UST: variants seen among roughly 807,000 people sequenced by gnomAD.
UST encodes the protein uronyl 2-sulfotransferase, also known as chondroitin sulfate 2-O-sulfotransferase.
In UST, 21 loss-of-function variants were observed where a neutral mutation model predicts 45.6. The observed-to-expected ratio is 0.46, with a 90% CI of 0.33 to 0.66. The LOEUF (loss-of-function observed/expected upper bound fraction) is 0.66. Ranked by LOEUF, UST falls within the 30% of genes least tolerant of loss-of-function variation. The pLI is 0.02. For missense variants in UST, 463 were observed against 512.4 expected, an observed-to-expected ratio of 0.90 and a Z score of 0.93; for synonymous variants, 215 against 200.6, an observed-to-expected ratio of 1.07 and a Z score of -0.61.
intron 1 of UST, among the ~76,000 whole-genome samples, chr6:148,867,626 A>T (rs961151322): frequency 6.6e-6 from 1 of 152,120 alleles, no homozygotes; most frequent in Non-Finnish European, 1.5e-5. Context: ...TGATGGTTTG[A>T]TAAGGGGAAA....
At chr6:148,946,755 A>T (rs1382493154) in intron 3 of UST, among the ~76,000 whole-genome samples, 1 of 126,236 alleles carries the variant, frequency 7.9e-6, no homozygotes, top group Non-Finnish European at 1.6e-5. Flanking sequence ...TGGAGCTTGC[A>T]GTGAGCCGAG....
intron 2 of UST, among the ~76,000 whole-genome samples, chr6:148,898,558 TGTC>T (rs1779180858): frequency 2.0e-5 from 3 of 152,230 alleles, no homozygotes; most frequent in African/African-American, 4.8e-5. Context: ...TGGAGATCCA[TGTC>T]CAAGTTCAGA....
chr6:149,004,438 G>A (rs1781608729), intron 5 of UST, among the ~76,000 whole-genome samples: 1 of 152,202 alleles, frequency 6.6e-6, no homozygotes. Context: ...TCCACACTGA[G>A]GCAGACAGAA....
At chr6:148,897,826 G>T (rs1381796277) in intron 2 of UST, among the ~76,000 whole-genome samples, 1 of 152,156 alleles carries the variant, frequency 6.6e-6, no homozygotes, top group Admixed American at 6.5e-5. Flanking sequence ...ATGCCAATTG[G>T]CAGACCAGAT....
At chr6:148,917,977 T>C (rs964921082) in intron 2 of UST, among the ~76,000 whole-genome samples, 1 of 152,226 alleles carries the variant, frequency 6.6e-6, no homozygotes. Context: ...CTGCCCTCTC[T>C]GTGCATTGAT....
intron 1 of UST, among the ~76,000 whole-genome samples, chr6:148,829,709 T>C (rs1275559487): frequency 3.9e-5 from 6 of 152,166 alleles, no homozygotes; most frequent in African/African-American, 1.4e-4. Flanking sequence ...GGGTTCACTT[T>C]TATATATTCA....
rs146956075 is a variant in UST, at chr6:149,009,637, C to A, written c.682-9502C>A. Among the ~76,000 whole-genome samples, 452 of 151,980 alleles carry A rather than the reference C, an allele frequency of 3.0e-3. 3 individuals carry two copies. Among genetic ancestry groups the A allele is most frequent in the African/African-American group, 0.01 (431 of 41,418 alleles). On this transcript the variant is annotated intron_variant, in intron 5 of 7. Transcript: ENST00000367463. ...TTGAGAACATTATTAGCAACAAATT[C>A]CTTGTAAGCTAGAAAACAGCAAAGC...
At chr6:148,900,569 G>A (rs1051835007) in intron 2 of UST, among the ~76,000 whole-genome samples, 2 of 152,170 alleles carry the variant, frequency 1.3e-5, no homozygotes, top group African/African-American at 4.8e-5. Context: ...CCAGCCTTGT[G>A]GAACTGTGAG....
At chr6:148,849,045 G>A (rs1778053670) in intron 1 of UST, among the ~76,000 whole-genome samples, 1 of 152,190 alleles carries the variant, frequency 6.6e-6, no homozygotes, top group Non-Finnish European at 1.5e-5. Flanking sequence ...GGCTCTGCAA[G>A]AGAGATAATT....
At chr6:149,055,040 C>T (rs1161771312) in intron 7 of UST, among the ~76,000 whole-genome samples, 1 of 152,058 alleles carries the variant, frequency 6.6e-6, no homozygotes, top group African/African-American at 2.4e-5. Flanking sequence ...CAATCCTTTA[C>T]ACTTCGAGCT....
chr6:148,871,512 T>C (rs900179552), intron 1 of UST, among the ~76,000 whole-genome samples: 5 of 152,246 alleles, frequency 3.3e-5, no homozygotes, highest in African/African-American at 1.2e-4. Context: ...CTCACATTGC[T>C]GCACAGGCCT....
chr6:148,844,889 G>A (rs1007921245), intron 1 of UST, among the ~76,000 whole-genome samples: 1 of 152,002 alleles, frequency 6.6e-6, no homozygotes, highest in Non-Finnish European at 1.5e-5. Context: ...GTGGCATTTG[G>A]TTTTCTGTTC....
At chr6:148,912,720 A>G (rs1018572108) in intron 2 of UST, among the ~76,000 whole-genome samples, 9 of 152,226 alleles carry the variant, frequency 5.9e-5, no homozygotes, top group African/African-American at 2.2e-4. Context: ...TTTTATTTTT[A>G]TCTTGTGATG....
At chr6:148,899,092 C>CTTTTTTTTTTTTTTTTTTTTTTTTTTTT (rs3075093) in intron 2 of UST, among the ~76,000 whole-genome samples, 1 of 65,552 alleles carries the variant, frequency 1.5e-5, no homozygotes, top group Non-Finnish European at 2.8e-5. Flanking sequence ...CTACCTAATC[C>CTTTTTTTTTTTTTTTTTTTTTTTTTTTT]TTTTTTTTTT....
chr6:148,968,484 T>C (rs1220467468), intron 5 of UST, among the ~76,000 whole-genome samples: 1 of 152,228 alleles, frequency 6.6e-6, no homozygotes, highest in African/African-American at 2.4e-5. Flanking sequence ...GGTGGCTGCC[T>C]CCTTTTTGGG....
chr6:148,905,740 A>G (rs1024972804), intron 2 of UST, among the ~76,000 whole-genome samples: 1 of 152,166 alleles, frequency 6.6e-6, no homozygotes, highest in Non-Finnish European at 1.5e-5. Context: ...CCAGAGCCTA[A>G]TTCTGTCCTT....
At chr6:148,807,839 G>A (rs1777179194) in intron 1 of UST, among the ~76,000 whole-genome samples, 1 of 152,210 alleles carries the variant, frequency 6.6e-6, no homozygotes, top group African/African-American at 2.4e-5. Context: ...GATGTCAGGT[G>A]TGGATATCTA....
intron 2 of UST, among the ~76,000 whole-genome samples, chr6:148,890,806 G>A (rs527778181): frequency 5.3e-5 from 8 of 152,194 alleles, no homozygotes; most frequent in Admixed American, 2.0e-4. Context: ...ATTTTCTTTC[G>A]GTTGCCACAT....
At chr6:149,021,225 T>C (rs1294861665) in intron 6 of UST, 99 bp from the exon 7 acceptor site, 8 of 1,322,790 alleles carry the variant, frequency 6.0e-6, no homozygotes, top group African/African-American at 1.5e-5. Context: ...TTTGGACTTA[T>C]GCAAGTGAAG....
Sources: gnomAD v4.1 joint callset for allele counts (sites outside exome capture counted in the v4.1 genomes callset) on GRCh38, gnomAD v4.1.1 for gene constraint, MANE v1.5 for transcripts, NCBI Gene and HGNC (gene_info 2026-07-23, HGNC 2026-07-21) for gene names.